Variants in ATL2 observed in about 807,000 individuals in gnomAD.
ATL2 encodes the protein atlastin-2.
ATL2 carries 31 observed loss-of-function variants against 73.9 expected under a neutral mutation model. That is an observed-to-expected ratio of 0.42 (90% CI 0.32 to 0.57). The LOEUF is 0.57. ATL2 is among the 20% of genes least tolerant of loss of function. The probability of loss-of-function intolerance (pLI) is 0.14; values close to 1 mark genes in which losing one functional copy is unlikely to be tolerated. For missense variants in ATL2, 738 were observed against 702.6 expected, an observed-to-expected ratio of 1.05 and a Z score of -0.57; for synonymous variants, 291 against 237.5, an observed-to-expected ratio of 1.23 and a Z score of -2.07.
intron 2 of ATL2, among the ~76,000 whole-genome samples, chr2:38,339,031 C>A (rs1472014252): frequency 6.6e-6 from 1 of 152,098 alleles, no homozygotes; most frequent in Non-Finnish European, 1.5e-5. Context: ...GCCTAGCCAA[C>A]ATGGTGAAAC....
At chr2:38,357,438 T>G (rs1670735649) in intron 1 of ATL2, among the ~76,000 whole-genome samples, 1 of 151,340 alleles carries the variant, frequency 6.6e-6, no homozygotes, top group South Asian at 2.1e-4. Flanking sequence ...CCTATCACAT[T>G]TGGGATTAAG....
At chr2:38,315,632 C>T (rs919162294) in intron 4 of ATL2, among the ~76,000 whole-genome samples, 2 of 152,184 alleles carry the variant, frequency 1.3e-5, no homozygotes, top group Non-Finnish European at 2.9e-5. Flanking sequence ...GTTTCTTGTA[C>T]TCCTTCTCTA....
chr2:38,360,436 C>T (rs900019285), intron 1 of ATL2, among the ~76,000 whole-genome samples: 2 of 152,108 alleles, frequency 1.3e-5, no homozygotes, highest in African/African-American at 4.8e-5. Context: ...CAGGCATGCA[C>T]TACCACAGTC....
chr2:38,311,582 G>C (rs1667757034), intron 7 of ATL2, among the ~76,000 whole-genome samples: 2 of 151,902 alleles, frequency 1.3e-5, no homozygotes, highest in Admixed American at 6.6e-5. Flanking sequence ...CATAATATTG[G>C]GTAAAAAAAG....
chr2:38,377,866 A>G (rs1434698933), upstream of ATL2, among the ~76,000 whole-genome samples: 1 of 116,138 alleles, frequency 8.6e-6, no homozygotes, highest in African/African-American at 3.3e-5. Context: ...CCTCCCCCCC[A>G]CCATCCTAAG....
intron 1 of ATL2, chr2:38,376,057 C>CT (rs763348135): frequency 1.9e-4 from 267 of 1,382,446 alleles, no homozygotes; most frequent in Non-Finnish European, 2.5e-4. Flanking sequence ...AAAAAGAAAT[C>CT]TTAAGACACG....
chr2:38,348,626 A>G (rs1273647290), intron 1 of ATL2, among the ~76,000 whole-genome samples: 1 of 151,866 alleles, frequency 6.6e-6, no homozygotes, highest in South Asian at 2.1e-4. Flanking sequence ...TTGGTTTTTT[A>G]GAAGTTTAAG....
chr2:38,328,550 T>A (rs898836456), intron 2 of ATL2, among the ~76,000 whole-genome samples: 1 of 152,170 alleles, frequency 6.6e-6, no homozygotes, highest in African/African-American at 2.4e-5. Flanking sequence ...CCCCAAATAG[T>A]TGGAGTTTAA....
At chr2:38,372,129 T>TTG (rs1671727220) in intron 1 of ATL2, among the ~76,000 whole-genome samples, 2 of 151,124 alleles carry the variant, frequency 1.3e-5, no homozygotes, top group South Asian at 2.1e-4. Context: ...AATTGTTTTT[T>TTG]TTTTTTTTTT....
chr2:38,306,562 AG>A (rs34605237), intron 9 of ATL2, among the ~76,000 whole-genome samples: 7 of 152,228 alleles, frequency 4.6e-5, no homozygotes, highest in African/African-American at 1.7e-4. Context: ...CAGGGATGCA[AG>A]GACAGTTCAA....
At chr2:38,312,192 G>A (rs1007819186) in intron 7 of ATL2, among the ~76,000 whole-genome samples, 5 of 152,124 alleles carry the variant, frequency 3.3e-5, no homozygotes, top group Non-Finnish European at 7.3e-5. Context: ...TATCTGACCT[G>A]CAGGTTTCCC....
intron 12 of ATL2, 63 bp downstream of exon 12, chr2:38,298,081 A>G (rs1666988104): frequency 1.4e-6 from 2 of 1,463,638 alleles, no homozygotes; most frequent in Non-Finnish European, 1.9e-6. Context: ...CAAATACTGC[A>G]AAGGATGGAA....
chr2:38,351,022 A>G (rs1352447351), intron 1 of ATL2, among the ~76,000 whole-genome samples: 3 of 152,220 alleles, frequency 2.0e-5, no homozygotes, highest in Non-Finnish European at 2.9e-5. Flanking sequence ...AAACTTATAA[A>G]AAGAGAACAA....
At chr2:38,337,543 A>G (rs1669440465) in intron 2 of ATL2, among the ~76,000 whole-genome samples, 1 of 149,362 alleles carries the variant, frequency 6.7e-6, no homozygotes, top group African/African-American at 2.4e-5. Flanking sequence ...TTGAAAATTG[A>G]ACACTTAAAA....
intron 9 of ATL2, among the ~76,000 whole-genome samples, chr2:38,305,250 C>G (rs917808938): frequency 6.6e-6 from 1 of 152,076 alleles, no homozygotes; most frequent in Non-Finnish European, 1.5e-5. Context: ...GAAAGAGGAC[C>G]GGGCGCAGTG....
intron 12 of ATL2, 69 bp downstream of exon 12, chr2:38,298,075 T>A: frequency 7.0e-7 from 1 of 1,436,022 alleles, no homozygotes; most frequent in Non-Finnish European, 9.5e-7. Context: ...GGAGTACAAA[T>A]ACTGCAAAGG....
At chr2:38,299,190 A>C in intron 11 of ATL2, 66 bp downstream of exon 11, 1 of 1,353,806 alleles carries the variant, frequency 7.4e-7, no homozygotes, top group African/African-American at 1.5e-5. Flanking sequence ...AAATTTTTTT[A>C]ATTTTTTTTT....
chr2:38,336,119 G>C (rs531984953), intron 2 of ATL2, among the ~76,000 whole-genome samples: 1 of 152,300 alleles, frequency 6.6e-6, no homozygotes, highest in African/African-American at 2.4e-5. Context: ...TCTTGAGAAA[G>C]AACATAAGAC....
chr2:38,307,156 G>A (rs906932563), intron 9 of ATL2, among the ~76,000 whole-genome samples: 5 of 151,938 alleles, frequency 3.3e-5, no homozygotes, highest in Non-Finnish European at 7.4e-5. Context: ...TCAGGAGTTC[G>A]AGACCAGCCT....
Sources: gnomAD v4.1 joint callset for allele counts (sites outside exome capture counted in the v4.1 genomes callset) on GRCh38, gnomAD v4.1.1 for gene constraint, MANE v1.5 for transcripts, NCBI Gene and HGNC (gene_info 2026-07-23, HGNC 2026-07-21) for gene names.